Variants in NR4A1 observed in about 807,000 individuals in gnomAD.
The protein encoded by NR4A1 is nuclear receptor subfamily 4immunitygroup A member 1.
In NR4A1, 24 loss-of-function variants were observed where a neutral mutation model predicts 47.5. The observed-to-expected ratio is 0.50, with a 90% CI of 0.37 to 0.71. NR4A1 has a LOEUF of 0.71. NR4A1 is among the 30% of genes least tolerant of loss of function. The pLI is 0.00. For synonymous variants in NR4A1, 353 were observed against 345.7 expected (o/e 1.02, Z -0.24); for missense variants, 669 against 788.6 (o/e 0.85, Z 1.82).
chr12:52,058,785 C>T lies in NR4A1; in HGVS notation c.1638C>T (p.Pro546=), dbSNP rs1172523168. The change falls in exon 7 of 7, where the codon CCC becomes CCT. Residue 546 remains proline, a synonymous_variant. Transcript: ENST00000394825. Reference sequence around the variant, plus strand: ...ACGTGGCAGCTGTGGCGGGCGAGCCCCAGCCAGCCAGCTGCCTGTCACGTC... The same window carrying T: ...ACGTGGCAGCTGTGGCGGGCGAGCCTCAGCCAGCCAGCTGCCTGTCACGTC... ...KEHVAAVAGE[P]QPASCLSRLL... is the part of the protein sequence containing the mutation. 3.1e-6 allele frequency: 5 copies of T among 1,612,036 alleles called. No individual in the cohort carries two copies. Among genetic ancestry groups the T allele is most frequent in the East Asian group, 4.5e-5 (2 of 44,854 alleles).
chr12:52,053,133 A>G (rs1387634011), intron 1 of NR4A1, among the ~76,000 whole-genome samples: 1 of 152,112 alleles, frequency 6.6e-6, no homozygotes. Context: ...GTGAGGCCAG[A>G]GTTACGCAGA....
At chr12:52,058,511 A>T in intron 6 of NR4A1, 177 bp from the exon 7 acceptor site, 2 of 791,856 alleles carry the variant, frequency 2.5e-6, no homozygotes, top group Non-Finnish European at 3.9e-6. Flanking sequence ...AATGAGGGTT[A>T]CTGCTTCTCA....
upstream of NR4A1, among the ~76,000 whole-genome samples, chr12:52,049,821 G>A (rs1225520536): frequency 2.0e-5 from 3 of 152,182 alleles, no homozygotes; most frequent in African/African-American, 7.2e-5. Context: ...GTCTGGAACA[G>A]ATGAAATTTG....
chr12:52,056,057 A>C lies in NR4A1; in HGVS notation c.904A>C (p.Ile302Leu). 6.3e-7 allele frequency: 1 copy of C among 1,598,780 alleles called. No homozygotes were observed. The highest frequency in any genetic ancestry group is 8.5e-7 in the Non-Finnish European group (1 of 1,173,248). ...CACAGTGCAGAAAAACGCCAAGTAC[A>C]TCTGCCTGGCTAACAAGGACTGCCC... Reference protein sequence around the residue: ...KRTVQKNAKYICLANKDCPVD... With the variant: ...KRTVQKNAKYLCLANKDCPVD... Residue 302 changes from isoleucine to leucine, a missense_variant, in exon 3 of 7, where the codon ATC becomes CTC. Ile to Leu is a conservative substitution (Grantham distance 5). Transcript: ENST00000394825.
Position 52,031,416 on chromosome 12 carries a change from C to G in NR4A1, c.-84+8477C>G, listed in dbSNP as rs545281901. Among the ~76,000 whole-genome samples, 3 of 151,800 alleles carry G rather than the reference C, an allele frequency of 2.0e-5. 1 individual carries two copies. Among genetic ancestry groups the G allele is most frequent in the African/African-American group, 7.2e-5 (3 of 41,460 alleles). On this transcript the variant is annotated intron_variant, in intron 1 of 7. Transcript: ENST00000360284. Reference sequence around the variant, plus strand: ...CTTTGGGAGGCCGAGGCGGGCAGATCACATGAGGTCAGGAGTGTGAGACCA... The same window carrying G: ...CTTTGGGAGGCCGAGGCGGGCAGATGACATGAGGTCAGGAGTGTGAGACCA...
intron 6 of NR4A1, among the ~76,000 whole-genome samples, chr12:52,057,880 TACCC>T (rs1454116372): frequency 6.6e-6 from 1 of 152,232 alleles, no homozygotes; most frequent in Non-Finnish European, 1.5e-5. Context: ...AAACCGCACT[TACCC>T]AACCAGCGCC....
chr12:52,059,149 A>C lies in NR4A1; in HGVS notation c.*205A>C. The stretch of plus-strand genomic sequence containing the variant: ...TGGGGGTGACCCCACGATTTGTCTT[A>C]TCCCCCCCAGCCTGGCCCCGGCCTT... On this transcript the variant is annotated 3_prime_UTR_variant, in exon 7 of 7. Transcript: ENST00000394825. 6.2e-6 allele frequency: 4 copies of C among 642,238 alleles called. No individual in the cohort carries two copies. Among genetic ancestry groups the C allele is most frequent in the Non-Finnish European group, 1.0e-5 (4 of 383,840 alleles). The allele number at this position is 642,238 out of a possible 1,614,324, so 39.8% of individuals were successfully genotyped here.
rs1394995811 is a variant in NR4A1, at chr12:52,054,647, C to T, written c.319C>T (p.Gln107Ter). ...TGCCTCCTTCAAGTTCGAGGACTTC[C>T]AGGTGTACGGCTGCTACCCCGGCCC... The part of the protein sequence containing the change: ...ASASFKFEDF[Q>*]VYGCYPGPLS... The change falls in exon 2 of 7, where the codon CAG (glutamine) becomes TAG (stop). Residue 107 changes from glutamine to a stop codon, truncating the protein, a stop_gained. Transcript: ENST00000394825. LOFTEE classifies it high-confidence loss of function. 2 of 1,614,064 alleles carry T rather than the reference C, an allele frequency of 1.2e-6. No individual in the cohort carries two copies. The highest frequency in any genetic ancestry group is 2.2e-5 in the East Asian group (1 of 44,902).
upstream of NR4A1, among the ~76,000 whole-genome samples, chr12:52,048,168 C>CA (rs1052881940): frequency 1.4e-4 from 21 of 151,174 alleles, 1 homozygote; most frequent in African/African-American, 4.9e-4. Flanking sequence ...AAAACAAAAA[C>CA]AAAAAACAAA....
Position 52,054,778 on chromosome 12 carries a change from G to C in NR4A1, c.450G>C (p.Gln150His), listed in dbSNP as rs1361522787. Residue 150 changes from glutamine (Q) to histidine (H), a missense_variant, in exon 2 of 7, where the codon CAG (glutamine) becomes CAC (histidine). By Grantham distance (24) the Gln-to-His change is conservative. Transcript: ENST00000394825. ...SPSTPSFQPP[Q>H]LSPWDGSFGH... is the part of the protein sequence containing the mutation. ...CCACGCCCAGCTTCCAGCCGCCCCAGCTCTCTCCCTGGGATGGCTCCTTCG... is the reference window on the plus strand; with the variant it reads ...CCACGCCCAGCTTCCAGCCGCCCCACCTCTCTCCCTGGGATGGCTCCTTCG... 6.2e-7 allele frequency: 1 copy of C among 1,612,558 alleles called. No homozygotes were observed. Among genetic ancestry groups the C allele is most frequent in the Non-Finnish European group, 8.5e-7 (1 of 1,179,952 alleles).
intron 1 of NR4A1, among the ~76,000 whole-genome samples, chr12:52,025,488 T>C (rs1937983487): frequency 6.6e-6 from 1 of 152,156 alleles, no homozygotes; most frequent in Non-Finnish European, 1.5e-5. Context: ...GGCCTTTCTT[T>C]TCCTAGCTTC....
Position 52,054,373 on chromosome 12 carries a change from G to A in NR4A1, c.45G>A (p.Pro15=), listed in dbSNP as rs2701124. 143,251 of 1,613,194 alleles carry A rather than the reference G, an allele frequency of 0.089. 8,342 individuals are homozygous for A. Among genetic ancestry groups the A allele is most frequent in the African/African-American group, 0.29 (21,432 of 74,856 alleles). Reference sequence around the variant, plus strand: ...AATATGGGACACCAGCACCGAGTCCGGGACCCCGTGACCACCTGGCAAGCG... The same window carrying A: ...AATATGGGACACCAGCACCGAGTCCAGGACCCCGTGACCACCTGGCAAGCG... The part of the protein sequence containing the change: ...QAQYGTPAPS[P]GPRDHLASDP... Residue 15 remains proline, a synonymous_variant, in exon 2 of 7, where the codon CCG becomes CCA. Transcript: ENST00000394825.
At chr12:52,052,713 A>C (rs1024216651) in intron 1 of NR4A1, 12 of 948,632 alleles carry the variant, frequency 1.3e-5, no homozygotes, top group Admixed American at 6.2e-5. Context: ...GTTGATCCGG[A>C]TGTGGGACGT....
At chr12:52,029,971 GTGGCTGC>G (rs1938084977) in intron 1 of NR4A1, among the ~76,000 whole-genome samples, 1 of 152,218 alleles carries the variant, frequency 6.6e-6, no homozygotes, top group African/African-American at 2.4e-5. Flanking sequence ...CCTCAGGGCG[GTGGCTGC>G]TGGCCAGCAG....
At chr12:52,042,580 C>T (rs748261290) in intron 2 of NR4A1, among the ~76,000 whole-genome samples, 16 of 152,116 alleles carry the variant, frequency 1.1e-4, no homozygotes, top group Non-Finnish European at 2.1e-4. Flanking sequence ...TTCCAGGGGT[C>T]CTGCAGTGAG....
At chr12:52,048,942 A>C (rs142337789), upstream of NR4A1, among the ~76,000 whole-genome samples, 405 of 152,276 alleles carry the variant, frequency 2.7e-3, 2 homozygotes, top group African/African-American at 9.5e-3. Flanking sequence ...TGAGGTAGGG[A>C]TCCTGGATGG....
At chr12:52,024,094 G>A (rs1937950670) in intron 1 of NR4A1, among the ~76,000 whole-genome samples, 1 of 152,194 alleles carries the variant, frequency 6.6e-6, no homozygotes, top group Non-Finnish European at 1.5e-5. Context: ...GCTGTGGTGA[G>A]GAGCAAACGC....
rs766268444 is a variant in NR4A1 at position 52,058,975 on chromosome 12, C to A, written c.*31C>A. On this transcript the variant is annotated 3_prime_UTR_variant, in exon 7 of 7. Coordinates refer to ENST00000394825, the MANE Select transcript of NR4A1 (RefSeq NM_173157.3). Reference sequence around the variant, plus strand: ...GCCTGGGAACACGTGTGCACATGCGCACTCTCATATGCCACCCCATGTGCC... The same window carrying A: ...GCCTGGGAACACGTGTGCACATGCGAACTCTCATATGCCACCCCATGTGCC... 6.3e-7 allele frequency: 1 copy of A among 1,590,840 alleles called. No homozygotes were observed. Among genetic ancestry groups the A allele is most frequent in the Non-Finnish European group, 8.6e-7 (1 of 1,164,028 alleles).
intron 1 of NR4A1, among the ~76,000 whole-genome samples, chr12:52,053,122 G>T (rs769024073): frequency 1.3e-5 from 2 of 152,116 alleles, no homozygotes; most frequent in Non-Finnish European, 2.9e-5. Flanking sequence ...CTCATTGACT[G>T]GTGAGGCCAG....
Sources: allele counts gnomAD v4.1 joint callset (sites outside exome capture counted in the v4.1 genomes callset), GRCh38; gene constraint gnomAD v4.1.1; transcripts MANE v1.5; gene names NCBI Gene and HGNC (gene_info 2026-07-23, HGNC 2026-07-21).